SYNDIG1: variants seen among roughly 807,000 people sequenced by gnomAD.
SYNDIG1 encodes synapse differentiation-inducing gene protein 1.
In SYNDIG1, 9 loss-of-function variants were observed where a neutral mutation model predicts 19.4. That is an observed-to-expected ratio of 0.46 (90% CI 0.28 to 0.81). SYNDIG1 has a LOEUF of 0.81. Ranked by LOEUF, SYNDIG1 falls within the 30% of genes least tolerant of loss-of-function variation. The probability of loss-of-function intolerance (pLI) is 0.12; values close to 1 mark genes in which losing one functional copy is unlikely to be tolerated. For missense variants in SYNDIG1, 311 were observed against 343.3 expected, an observed-to-expected ratio of 0.91 and a Z score of 0.74; for synonymous variants, 141 against 145.9, an observed-to-expected ratio of 0.97 and a Z score of 0.24.
rs1386230424 is a variant in SYNDIG1 at position 24,665,340 on chromosome 20, C to A, written c.619-6C>A. The A allele has an allele frequency of 6.3e-7, 1 of 1,598,078 alleles. No individual in the cohort carries two copies. Among genetic ancestry groups the A allele is most frequent in the African/African-American group, 1.4e-5 (1 of 73,906 alleles). Reference sequence around the variant, plus strand: ...ATGACTTCCTTTTTCTTCTCCAACTCTGCAGACCAACAAAGCCGTGGCCAA... The same window carrying A: ...ATGACTTCCTTTTTCTTCTCCAACTATGCAGACCAACAAAGCCGTGGCCAA... On this transcript the variant is annotated splice_region_variant and splice_polypyrimidine_tract_variant and intron_variant, in intron 3 of 3. Transcript: ENST00000376862.
At chr20:24,621,093 T>C (rs565317328) in intron 3 of SYNDIG1, among the ~76,000 whole-genome samples, 1 of 152,330 alleles carries the variant, frequency 6.6e-6, no homozygotes, top group South Asian at 2.1e-4. Context: ...AATGATAGCA[T>C]TAAATATTTT....
intron 3 of SYNDIG1, among the ~76,000 whole-genome samples, chr20:24,634,377 C>T (rs1371761423): frequency 1.3e-5 from 2 of 152,172 alleles, no homozygotes; most frequent in Admixed American, 6.5e-5. Context: ...TCAACTTCTC[C>T]TTTTGCAAAT....
intron 1 of SYNDIG1, among the ~76,000 whole-genome samples, chr20:24,538,295 T>G (rs145412516): frequency 6.6e-6 from 1 of 152,318 alleles, no homozygotes; most frequent in East Asian, 1.9e-4. Context: ...ACCACACTTT[T>G]GATTACTTTT....
chr20:24,662,789 G>T (rs1017020550), intron 3 of SYNDIG1, among the ~76,000 whole-genome samples: 1 of 152,204 alleles, frequency 6.6e-6, no homozygotes, highest in East Asian at 1.9e-4. Flanking sequence ...CAACCTGTTG[G>T]CAAAAGACAG....
At chr20:24,574,410 AC>A (rs1295598098) in intron 2 of SYNDIG1, among the ~76,000 whole-genome samples, 1 of 152,038 alleles carries the variant, frequency 6.6e-6, no homozygotes, top group Non-Finnish European at 1.5e-5. Flanking sequence ...AATTGCTTCA[AC>A]CTGGGAGGTG....
At chr20:24,553,289 T>A (rs2057743878) in intron 2 of SYNDIG1, among the ~76,000 whole-genome samples, 2 of 152,308 alleles carry the variant, frequency 1.3e-5, no homozygotes, top group South Asian at 2.1e-4. Context: ...TAGTTTCTTT[T>A]GCTGTGCAGA....
intron 3 of SYNDIG1, among the ~76,000 whole-genome samples, chr20:24,626,903 G>A (rs2059150268): frequency 6.6e-6 from 1 of 152,214 alleles, no homozygotes; most frequent in South Asian, 2.1e-4. Context: ...GCGAAACCCC[G>A]TCTCCACCAA....
intron 3 of SYNDIG1, among the ~76,000 whole-genome samples, chr20:24,638,547 G>A (rs563647304): frequency 2.0e-5 from 3 of 151,864 alleles, no homozygotes; most frequent in Non-Finnish European, 2.9e-5. Flanking sequence ...TTTTTAAATA[G>A]AGACTGGGTT....
intron 1 of SYNDIG1, among the ~76,000 whole-genome samples, chr20:24,520,133 T>C (rs1416453748): frequency 6.6e-6 from 1 of 152,136 alleles, no homozygotes; most frequent in African/African-American, 2.4e-5. Context: ...GGCTTTTCCC[T>C]GAGCATGCTT....
intron 1 of SYNDIG1, among the ~76,000 whole-genome samples, chr20:24,527,568 A>T (rs2057153974): frequency 7.1e-6 from 1 of 140,166 alleles, no homozygotes; most frequent in Admixed American, 7.5e-5. Context: ...ATAGACTCTC[A>T]CTTATGGTGG....
intron 3 of SYNDIG1, among the ~76,000 whole-genome samples, chr20:24,618,019 G>A (rs1192008059): frequency 1.0e-5 from 1 of 100,288 alleles, no homozygotes; most frequent in Non-Finnish European, 2.1e-5. Context: ...GAGATGCTGA[G>A]AGAGAGCCCG....
chr20:24,664,119 G>A (rs957792530), intron 3 of SYNDIG1, among the ~76,000 whole-genome samples: 7 of 151,964 alleles, frequency 4.6e-5, no homozygotes, highest in South Asian at 4.2e-4. Flanking sequence ...TTTAAGATCC[G>A]AAAGTTAGAG....
chr20:24,649,493 T>C (rs2059449737), intron 3 of SYNDIG1, among the ~76,000 whole-genome samples: 1 of 152,196 alleles, frequency 6.6e-6, no homozygotes. Context: ...TCAGGGCCCA[T>C]ACCTATAGTT....
At chr20:24,474,748 T>G (rs946801401) in intron 1 of SYNDIG1, among the ~76,000 whole-genome samples, 4 of 152,222 alleles carry the variant, frequency 2.6e-5, no homozygotes, top group Admixed American at 1.3e-4. Flanking sequence ...AAATTTCTAT[T>G]TTGAACAATT....
chr20:24,586,846 G>C (rs1188778282), intron 3 of SYNDIG1, among the ~76,000 whole-genome samples: 1 of 152,178 alleles, frequency 6.6e-6, no homozygotes, highest in East Asian at 1.9e-4. Flanking sequence ...TGGTGTCCGT[G>C]GTCTCTGCTG....
At chr20:24,631,335 G>T (rs1204000646) in intron 3 of SYNDIG1, among the ~76,000 whole-genome samples, 1 of 152,170 alleles carries the variant, frequency 6.6e-6, no homozygotes, top group Non-Finnish European at 1.5e-5. Flanking sequence ...CATGCGTCAG[G>T]GTGAGCTCCG....
intron 3 of SYNDIG1, among the ~76,000 whole-genome samples, chr20:24,625,990 G>C (rs139065841): frequency 0.17 from 25,247 of 150,452 alleles, 2,372 homozygotes; most frequent in African/African-American, 0.24. Flanking sequence ...GCCAGGCGGG[G>C]GGCTGGCCCC....
intron 2 of SYNDIG1, among the ~76,000 whole-genome samples, chr20:24,583,473 G>A (rs2058363205): frequency 6.6e-6 from 1 of 152,246 alleles, no homozygotes; most frequent in Admixed American, 6.5e-5. Context: ...GAGGAAGTGA[G>A]CGACTACTCT....
chr20:24,501,329 C>G (rs1328341695), intron 1 of SYNDIG1, among the ~76,000 whole-genome samples: 1 of 152,214 alleles, frequency 6.6e-6, no homozygotes, highest in Non-Finnish European at 1.5e-5. Context: ...CTGCAGCATG[C>G]ACAGGGCAGT....
Sources: allele counts gnomAD v4.1 joint callset (sites outside exome capture counted in the v4.1 genomes callset), GRCh38; gene constraint gnomAD v4.1.1; transcripts MANE v1.5; gene names NCBI Gene and HGNC (gene_info 2026-07-23, HGNC 2026-07-21).